Variants in SNX3 observed in about 807,000 individuals in gnomAD.
The protein encoded by SNX3 is sorting nexin 3, also known as sorting nexin-3.
SNX3 carries 5 observed loss-of-function variants against 17.7 expected under a neutral mutation model. That is an observed-to-expected ratio of 0.28 (90% CI 0.15 to 0.59). The LOEUF (loss-of-function observed/expected upper bound fraction) is 0.59, where lower values mean the gene tolerates loss of function less well. Ranked by LOEUF, SNX3 falls within the 20% of genes least tolerant of loss-of-function variation. The pLI, the probability that SNX3 is intolerant of heterozygous loss-of-function variation, is 0.88. For missense variants in SNX3, 132 were observed against 206.8 expected, an observed-to-expected ratio of 0.64 and a Z score of 2.22; for synonymous variants, 91 against 76.5, an observed-to-expected ratio of 1.19 and a Z score of -0.99.
At chr6:108,254,393 A>G (rs1253770085) in intron 1 of SNX3, among the ~76,000 whole-genome samples, 1 of 152,100 alleles carries the variant, frequency 6.6e-6, no homozygotes, top group African/African-American at 2.4e-5. Context: ...TGAGCCCAGG[A>G]GGTCGAGGCT....
At chr6:108,216,227 G>A (rs752675581) in intron 2 of SNX3, among the ~76,000 whole-genome samples, 15 of 151,940 alleles carry the variant, frequency 9.9e-5, no homozygotes, top group Non-Finnish European at 1.8e-4. Context: ...GGTACATAGC[G>A]TGCTACCACG....
chr6:108,260,736 G>C (rs766897011), intron 1 of SNX3, 24 bp downstream of exon 1: 2 of 1,613,126 alleles, frequency 1.2e-6, no homozygotes, highest in Non-Finnish European at 1.7e-6. Flanking sequence ...GGGGTTTCTT[G>C]GGAGAGGGGA....
At chr6:108,232,692 ATTC>A (rs1775206609) in intron 1 of SNX3, among the ~76,000 whole-genome samples, 1 of 152,258 alleles carries the variant, frequency 6.6e-6, no homozygotes, top group African/African-American at 2.4e-5. Flanking sequence ...GCCATACTCT[ATTC>A]AACCAATCCT....
chr6:108,239,243 T>G (rs118048961), intron 1 of SNX3, among the ~76,000 whole-genome samples: 2 of 151,918 alleles, frequency 1.3e-5, no homozygotes, highest in Non-Finnish European at 2.9e-5. Flanking sequence ...CAGGGAAAAA[T>G]GAATTAGTCA....
chr6:108,232,349 G>A (rs1775191147), intron 1 of SNX3, among the ~76,000 whole-genome samples: 1 of 152,136 alleles, frequency 6.6e-6, no homozygotes. Context: ...CTAAGGAAAA[G>A]ATTTCTCAAA....
chr6:108,260,911 G>A lies in SNX3; in HGVS notation c.11C>T (p.Thr4Ile). The A allele has an allele frequency of 6.3e-7, 1 of 1,596,362 alleles. No individual in the cohort carries two copies. Among genetic ancestry groups the A allele is most frequent in the South Asian group, 1.1e-5 (1 of 90,364 alleles). The change falls in exon 1 of 4, where the codon ACC becomes ATC. Residue 4 changes from threonine (T) to isoleucine (I), a missense_variant. Thr to Ile is a moderately conservative substitution (Grantham distance 89, BLOSUM62 -1). Coordinates refer to ENST00000230085, the MANE Select transcript of SNX3 (RefSeq NM_003795.6). ...GATCAGCCGCCGGGTGTCAGCCACG[G>A]TCTCCGCCATTTCGCTGTAGCTGCT... MAE[T>I]VADTRRLITK...
At chr6:108,259,778 G>A (rs973789953) in intron 1 of SNX3, among the ~76,000 whole-genome samples, 2 of 152,172 alleles carry the variant, frequency 1.3e-5, no homozygotes, top group Non-Finnish European at 2.9e-5. Context: ...GTAAGTTAAT[G>A]AGAATTTTTT....
intron 1 of SNX3, among the ~76,000 whole-genome samples, chr6:108,223,833 CA>C (rs1213927962): frequency 2.0e-5 from 3 of 152,084 alleles, no homozygotes; most frequent in African/African-American, 7.2e-5. Flanking sequence ...CACAAGAACA[CA>C]ACTTTTAAAT....
intron 1 of SNX3, among the ~76,000 whole-genome samples, chr6:108,234,025 T>C (rs919981120): frequency 6.6e-6 from 1 of 152,076 alleles, no homozygotes; most frequent in Non-Finnish European, 1.5e-5. Flanking sequence ...AGCTATGGAC[T>C]ACAGGGATCT....
intron 1 of SNX3, among the ~76,000 whole-genome samples, chr6:108,238,855 C>T (rs942682589): frequency 6.6e-6 from 1 of 151,448 alleles, no homozygotes; most frequent in Non-Finnish European, 1.5e-5. Context: ...TCAATATTTG[C>T]TTTGTACCAA....
chr6:108,237,991 G>A (rs770428963), intron 1 of SNX3, among the ~76,000 whole-genome samples: 1 of 151,116 alleles, frequency 6.6e-6, no homozygotes, highest in African/African-American at 2.4e-5. Context: ...CAGCTACTCG[G>A]GAGGCTGAAG....
chr6:108,241,106 T>C (rs375868456), intron 1 of SNX3, among the ~76,000 whole-genome samples: 1 of 123,478 alleles, frequency 8.1e-6, no homozygotes, highest in South Asian at 2.6e-4. Flanking sequence ...TGCGCGCCAC[T>C]GCACTCGAGC....
At chr6:108,256,548 C>T (rs1776037090) in intron 1 of SNX3, among the ~76,000 whole-genome samples, 1 of 152,162 alleles carries the variant, frequency 6.6e-6, no homozygotes, top group African/African-American at 2.4e-5. Flanking sequence ...ATTAGCACAC[C>T]TATTTCACAG....
rs2114733114 is a variant in SNX3 at position 108,233,828 on chromosome 6, G to A, written c.163-10783C>T. Among the ~76,000 whole-genome samples, 3 of 152,294 alleles carry A rather than the reference G, an allele frequency of 2.0e-5. No individual in the cohort carries two copies. The Middle Eastern group carries it at 0.01, about 518-fold the overall frequency. ...CAAGTAATTCTGGTTTAGCTTAGCT[G>A]GGACAGATATGGGCGATAATATTTT... On this transcript the variant is annotated intron_variant, in intron 1 of 3. Coordinates refer to ENST00000230085, the MANE Select transcript of SNX3 (RefSeq NM_003795.6).
At chr6:108,260,146 C>G (rs549622140) in intron 1 of SNX3, among the ~76,000 whole-genome samples, 2 of 152,332 alleles carry the variant, frequency 1.3e-5, no homozygotes, top group East Asian at 3.9e-4. Context: ...GTAGGTGACA[C>G]CACACCTCAG....
At chr6:108,252,847 A>T (rs957596589) in intron 1 of SNX3, among the ~76,000 whole-genome samples, 1 of 152,128 alleles carries the variant, frequency 6.6e-6, no homozygotes, top group Non-Finnish European at 1.5e-5. Flanking sequence ...CATGTTGGTC[A>T]GGCTGGTCTC....
intron 1 of SNX3, among the ~76,000 whole-genome samples, chr6:108,256,059 G>T (rs946799524): frequency 6.6e-6 from 1 of 151,942 alleles, no homozygotes; most frequent in African/African-American, 2.4e-5. Flanking sequence ...GTGAGATCTC[G>T]TCTCTACAAA....
At chr6:108,229,504 C>T (rs1254593752) in intron 1 of SNX3, among the ~76,000 whole-genome samples, 1 of 142,132 alleles carries the variant, frequency 7.0e-6, no homozygotes, top group Non-Finnish European at 1.5e-5. Context: ...AACTCCTGGG[C>T]TCAAGGGATC....
Position 108,260,742 on chromosome 6 carries a change from G to C in SNX3, c.162+18C>G. ...CCAGCGGGAGGGGTTTCTTGGGAGA[G>C]GGGAGAGACGGCCTCACCTTGACCC... On this transcript the variant is annotated intron_variant, in intron 1 of 3. Coordinates refer to ENST00000230085, the MANE Select transcript of SNX3 (RefSeq NM_003795.6). The C allele has an allele frequency of 6.2e-7, 1 of 1,613,390 alleles. No homozygotes were observed. The highest frequency in any genetic ancestry group is 8.5e-7 in the Non-Finnish European group (1 of 1,179,552).
Sources: allele counts gnomAD v4.1 joint callset (sites outside exome capture counted in the v4.1 genomes callset), GRCh38; gene constraint gnomAD v4.1.1; transcripts MANE v1.5; gene names NCBI Gene and HGNC (gene_info 2026-07-23, HGNC 2026-07-21).